Variants in EPS8 observed in about 807,000 individuals in gnomAD.
The protein encoded by EPS8 is epidermal growth factor receptor kinase substrate 8.
A neutral mutation model predicts 103.8 loss-of-function variants in EPS8; 42 were observed. That is an observed-to-expected ratio of 0.40 (90% confidence interval 0.32 to 0.52). The LOEUF (loss-of-function observed/expected upper bound fraction) is 0.52, where lower values mean the gene tolerates loss of function less well. EPS8 is among the 20% of genes least tolerant of loss of function. The pLI is 0.40. For missense variants in EPS8, 969 were observed against 1,005.1 expected (o/e 0.96, Z 0.49); for synonymous variants, 344 against 344.6 (o/e 1.00, Z 0.02).
chr12:15,624,986 G>A (rs1944921847), intron 18 of EPS8, among the ~76,000 whole-genome samples: 1 of 152,122 alleles, frequency 6.6e-6, no homozygotes, highest in Non-Finnish European at 1.5e-5. Context: ...AGCCTCAAAG[G>A]CCAAGAAGTC....
Position 15,623,161 on chromosome 12 carries a change from C to T in EPS8, c.2352G>A (p.Leu784=), listed in dbSNP as rs1126786. 78,073 of 1,604,462 alleles carry T rather than the reference C, an allele frequency of 0.049. 10,231 individuals are homozygous for T. The African/African-American group carries it at 0.5, about 10-fold the overall frequency. The change falls in exon 20 of 21, where the codon TTG becomes TTA. Residue 784 remains leucine (L), a synonymous_variant. Coordinates refer to ENST00000281172, the MANE Select transcript of EPS8 (RefSeq NM_004447.6). ...ACCTTAGGTTGACAAGTCATACCTC[C>T]AATGCAGCTTTTTGTACAGTGATTT... ...YSQITVQKAA[L]EDSSGSSELQ...
chr12:15,699,448 T>A (rs1376404856), intron 1 of EPS8, among the ~76,000 whole-genome samples: 1 of 152,210 alleles, frequency 6.6e-6, no homozygotes, highest in Non-Finnish European at 1.5e-5. Context: ...TCATTTGACA[T>A]CTATATCTCT....
intron 1 of EPS8, among the ~76,000 whole-genome samples, chr12:15,755,589 C>CA (rs1468511703): frequency 1.3e-5 from 2 of 152,032 alleles, no homozygotes; most frequent in African/African-American, 4.8e-5. Context: ...TAAATGTATC[C>CA]AAAAAAAGAA....
intron 1 of EPS8, among the ~76,000 whole-genome samples, chr12:15,774,561 C>CATAT (rs113650528): frequency 4.4e-4 from 64 of 145,228 alleles, no homozygotes; most frequent in African/African-American, 6.0e-4. Context: ...TATACATATA[C>CATAT]ATATATATAT....
chr12:15,692,596 C>T (rs898650538), intron 1 of EPS8, among the ~76,000 whole-genome samples: 1 of 151,814 alleles, frequency 6.6e-6, no homozygotes, highest in East Asian at 1.9e-4. Flanking sequence ...TCCTAAAGTC[C>T]GGGAAATTTT....
chr12:15,647,853 A>T (rs1945346576), intron 14 of EPS8, among the ~76,000 whole-genome samples: 1 of 151,964 alleles, frequency 6.6e-6, no homozygotes. Flanking sequence ...GCAATCCCCA[A>T]CCTTTTTGGC....
At chr12:15,687,061 A>G (rs1301615020) in intron 1 of EPS8, among the ~76,000 whole-genome samples, 1 of 152,122 alleles carries the variant, frequency 6.6e-6, no homozygotes, top group African/African-American at 2.4e-5. Context: ...AAGATCAGTG[A>G]AACTTAATTT....
chr12:15,676,923 CAAAT>C (rs535730102), intron 3 of EPS8, among the ~76,000 whole-genome samples: 82 of 152,190 alleles, frequency 5.4e-4, no homozygotes, highest in African/African-American at 1.9e-3. Context: ...AATATGTCCT[CAAAT>C]AAGCAAATTT....
chr12:15,780,335 C>G lies in EPS8; in HGVS notation c.-22+8826G>C, dbSNP rs1473593287. On this transcript the variant is annotated intron_variant, in intron 1 of 20. Coordinates refer to ENST00000281172, the MANE Select transcript of EPS8 (RefSeq NM_004447.6). This position sits in a 1 kb window ranked among gnomAD's most constrained non-coding sequence, Gnocchi z 4.1. Reference sequence around the variant, plus strand: ...ACCTATTCCGCACATGTCAAACATGCTCATCTTTCTACCTGGAGAGAGATG... The same window carrying G: ...ACCTATTCCGCACATGTCAAACATGGTCATCTTTCTACCTGGAGAGAGATG... Among the ~76,000 whole-genome samples, 1 of 151,926 alleles carries G rather than the reference C, an allele frequency of 6.6e-6. No individual in the cohort carries two copies. The highest frequency in any genetic ancestry group is 1.5e-5 in the Non-Finnish European group (1 of 68,024).
intron 1 of EPS8, among the ~76,000 whole-genome samples, chr12:15,753,022 C>G (rs924314339): frequency 1.3e-5 from 2 of 151,578 alleles, no homozygotes; most frequent in Non-Finnish European, 2.9e-5. Context: ...GTGACTCAGG[C>G]AGCAACTAGA....
chr12:15,732,420 A>T (rs1946726739), intron 1 of EPS8, among the ~76,000 whole-genome samples: 1 of 152,212 alleles, frequency 6.6e-6, no homozygotes, highest in South Asian at 2.1e-4. Flanking sequence ...TGTGCTCCAC[A>T]ATGTACGAGG....
Position 15,693,903 on chromosome 12 carries a change from G to T in EPS8, c.-21-10931C>A, listed in dbSNP as rs560455752. Reference sequence around the variant, plus strand: ...CACCAAGGCCTGTCAGATGGAGGTGGGGCAAGAGGAGGGAGAGCATCAGGA... The same window carrying T: ...CACCAAGGCCTGTCAGATGGAGGTGTGGCAAGAGGAGGGAGAGCATCAGGA... On this transcript the variant is annotated intron_variant, in intron 1 of 20. Coordinates refer to ENST00000281172, the MANE Select transcript of EPS8 (RefSeq NM_004447.6). This position sits in a 1 kb window ranked among gnomAD's most constrained non-coding sequence, Gnocchi z 5.6. 2.6e-5 allele frequency among the ~76,000 whole-genome samples: 4 copies of T among 152,142 alleles called. No individual in the cohort carries two copies. Among genetic ancestry groups the T allele is most frequent in the Non-Finnish European group, 5.9e-5 (4 of 68,026 alleles).
At chr12:15,703,847 GTTTTTTTTT>G (rs58735135) in intron 1 of EPS8, among the ~76,000 whole-genome samples, 2 of 61,240 alleles carry the variant, frequency 3.3e-5, no homozygotes, top group South Asian at 6.7e-4. Flanking sequence ...CTATGTATTT[GTTTTTTTTT>G]TTTTTTTTTT....
chr12:15,766,451 T>C (rs1947097456), intron 1 of EPS8, among the ~76,000 whole-genome samples: 2 of 150,238 alleles, frequency 1.3e-5, no homozygotes, highest in South Asian at 4.2e-4. Context: ...CGAGCCGAGA[T>C]TGCGCCACTG....
chr12:15,624,456 A>G, intron 18 of EPS8, 49 bp from the exon 19 acceptor site: 1 of 1,392,406 alleles, frequency 7.2e-7, no homozygotes. Context: ...CTAATATTAC[A>G]TCACCCTCTC....
chr12:15,760,315 T>A lies in EPS8; in HGVS notation c.-22+28846A>T, dbSNP rs1481498618. On this transcript the variant is annotated intron_variant, in intron 1 of 20. Transcript: ENST00000281172. The surrounding 1 kb of genome is among the most constrained non-coding windows in gnomAD (Gnocchi z 4.5). ...ATAAAATTGAAGGTGTAATAAAAAATCTCCCAGTAAAATAAAAGCCCAAGA... is the reference window on the plus strand; with the variant it reads ...ATAAAATTGAAGGTGTAATAAAAAAACTCCCAGTAAAATAAAAGCCCAAGA... Among the ~76,000 whole-genome samples the A allele has an allele frequency of 6.6e-6, 1 of 151,768 alleles. No individual in the cohort carries two copies. The highest frequency in any genetic ancestry group is 1.5e-5 in the Non-Finnish European group (1 of 67,844).
chr12:15,685,871 GTTT>G (rs942594437), intron 1 of EPS8, among the ~76,000 whole-genome samples: 1 of 152,068 alleles, frequency 6.6e-6, no homozygotes, highest in Non-Finnish European at 1.5e-5. Context: ...AAAATTAAGT[GTTT>G]TTATTTTTAT....
Position 15,748,569 on chromosome 12 carries a change from C to G in EPS8, c.-22+40592G>C, listed in dbSNP as rs926867323. ...TCCAGGGAGAGAAATTCCACAGCTC[C>G]CTTGGTATTTTTCACTCTGGATCTG... On this transcript the variant is annotated intron_variant, in intron 1 of 20. Transcript: ENST00000281172. This position sits in a 1 kb window ranked among gnomAD's most constrained non-coding sequence, Gnocchi z 4.8. Among the ~76,000 whole-genome samples, 2 of 151,982 alleles carry G rather than the reference C, an allele frequency of 1.3e-5. No homozygotes were observed. Among genetic ancestry groups the G allele is most frequent in the African/African-American group, 4.8e-5 (2 of 41,352 alleles).
rs187318426 is a variant in EPS8 at position 15,636,032 on chromosome 12, C to T, written c.1822-4368G>A. ...ATTGGATATATAATAAATAACATCA[C>T]GGGAGGAGGTGGTTTCTGCTCTTGG... On this transcript the variant is annotated intron_variant, in intron 17 of 20. Coordinates refer to ENST00000281172, the MANE Select transcript of EPS8 (RefSeq NM_004447.6). 2.0e-3 allele frequency among the ~76,000 whole-genome samples: 306 copies of T among 152,134 alleles called. 1 individual carries two copies. Among genetic ancestry groups the T allele is most frequent in the African/African-American group, 1.9e-3 (80 of 41,480 alleles).
Sources: allele counts gnomAD v4.1 joint callset (sites outside exome capture counted in the v4.1 genomes callset), GRCh38; gene constraint gnomAD v4.1.1; non-coding constraint Gnocchi (gnomAD v3.1); transcripts MANE v1.5; gene names NCBI Gene and HGNC (gene_info 2026-07-23, HGNC 2026-07-21).